The following AFF3 variants were observed in gnomAD, a reference collection of about 807,000 sequenced individuals.
AFF3 encodes ALF transcription elongation factor 3, also known as AF4/FMR2 family member 3.
In AFF3, 32 loss-of-function variants were observed where a neutral mutation model predicts 129.7. The observed-to-expected ratio is 0.25, with a 90% CI of 0.19 to 0.33. The LOEUF (loss-of-function observed/expected upper bound fraction) is 0.33, where lower values mean the gene tolerates loss of function less well. Among genes scored for constraint, AFF3 ranks in the 10% least tolerant of loss-of-function variants. The pLI, the probability that AFF3 is intolerant of heterozygous loss-of-function variation, is 1.00. For synonymous variants in AFF3, 644 were observed against 635.4 expected (o/e 1.01, Z -0.20); for missense variants, 1,373 against 1,592.0 (o/e 0.86, Z 2.34).
intron 4 of AFF3, among the ~76,000 whole-genome samples, chr2:100,016,159 CTGG>C (rs1183689650): frequency 6.7e-5 from 7 of 103,902 alleles, no homozygotes; most frequent in African/African-American, 1.2e-4. Flanking sequence ...GGTAGAGGTG[CTGG>C]TGGTGGTGGT....
intron 7 of AFF3, among the ~76,000 whole-genome samples, chr2:99,896,197 G>A (rs1693933473): frequency 6.6e-6 from 1 of 151,818 alleles, no homozygotes; most frequent in Non-Finnish European, 1.5e-5. Flanking sequence ...AATAACTAGG[G>A]AGGCCTAAGT....
In AFF3 at chr2:100,136,600, C is replaced by G. The variant is rs1020759570; in HGVS notation, c.-228+5884G>C. Among the ~76,000 whole-genome samples, 6 of 152,268 alleles carry G rather than the reference C, an allele frequency of 3.9e-5. 1 individual carries two copies. In the South Asian group the frequency reaches 1.2e-3, roughly 32 times the overall value. ...GCACTTTCACACTTTCCCTTCTCCCCCATTGATCTGTTTATCCATTTGGAG... is the reference window on the plus strand; with the variant it reads ...GCACTTTCACACTTTCCCTTCTCCCGCATTGATCTGTTTATCCATTTGGAG... On this transcript the variant is annotated intron_variant, in intron 1 of 24. Coordinates refer to ENST00000672756, the MANE Select transcript of AFF3 (RefSeq NM_001386135.1).
At chr2:100,036,180 C>T (rs1684893745) in intron 4 of AFF3, among the ~76,000 whole-genome samples, 1 of 147,928 alleles carries the variant, frequency 6.8e-6, no homozygotes, top group Non-Finnish European at 1.5e-5. Context: ...CAAAGTCTTT[C>T]CTGGCAACAG....
intron 8 of AFF3, among the ~76,000 whole-genome samples, chr2:99,802,811 A>G (rs1449378245): frequency 6.6e-6 from 1 of 151,346 alleles, no homozygotes; most frequent in Non-Finnish European, 1.5e-5. Flanking sequence ...GAATTTTGTA[A>G]CCTAAGACTT....
At chr2:99,653,764 A>G (rs1685487058) in intron 12 of AFF3, among the ~76,000 whole-genome samples, 1 of 152,146 alleles carries the variant, frequency 6.6e-6, no homozygotes, top group Admixed American at 6.5e-5. Flanking sequence ...CCTACGAGGC[A>G]CTAAGCAGTG....
At chr2:99,930,486 T>C (rs1244155545) in intron 7 of AFF3, among the ~76,000 whole-genome samples, 1 of 152,226 alleles carries the variant, frequency 6.6e-6, no homozygotes, top group Non-Finnish European at 1.5e-5. Context: ...AAGAAAATTC[T>C]ATAGTAGGCG....
At chr2:99,765,525 G>A (rs1682938408) in intron 8 of AFF3, among the ~76,000 whole-genome samples, 1 of 152,200 alleles carries the variant, frequency 6.6e-6, no homozygotes, top group South Asian at 2.1e-4. Context: ...TTACTTTTCC[G>A]ATTATTAGTG....
At chr2:100,140,182 C>T (rs1450061645) in intron 1 of AFF3, among the ~76,000 whole-genome samples, 5 of 152,184 alleles carry the variant, frequency 3.3e-5, no homozygotes, top group Non-Finnish European at 5.9e-5. Context: ...TAGGACAGGA[C>T]ATTACACCCA....
At chr2:100,000,068 G>T (rs1050437031) in intron 7 of AFF3, among the ~76,000 whole-genome samples, 1 of 152,202 alleles carries the variant, frequency 6.6e-6, no homozygotes, top group South Asian at 2.1e-4. Context: ...TACTGTAAAT[G>T]TATTGCTAAT....
intron 7 of AFF3, among the ~76,000 whole-genome samples, chr2:99,978,693 T>C (rs1487148793): frequency 6.6e-6 from 1 of 152,076 alleles, no homozygotes; most frequent in East Asian, 1.9e-4. Flanking sequence ...AGAGGGGCCT[T>C]TGGAAGGTGA....
At chr2:100,084,220 T>C (rs115886907) in intron 4 of AFF3, among the ~76,000 whole-genome samples, 3,896 of 152,338 alleles carry the variant, frequency 0.026, 159 homozygotes, top group African/African-American at 0.088. Flanking sequence ...ACATGCTATG[T>C]GTCAGGTCAT....
intron 4 of AFF3, among the ~76,000 whole-genome samples, chr2:100,084,064 C>T (rs895732073): frequency 7.9e-5 from 12 of 152,212 alleles, no homozygotes; most frequent in Non-Finnish European, 1.8e-4. Flanking sequence ...TATTCTCTCT[C>T]ACTGATTAAA....
chr2:99,765,008 AGCCAAATCTT>A (rs1192901047), intron 8 of AFF3, among the ~76,000 whole-genome samples: 1 of 152,192 alleles, frequency 6.6e-6, no homozygotes, highest in Non-Finnish European at 1.5e-5. Context: ...GTCATTTCTG[AGCCAAATCTT>A]GTCAAATCGT....
rs1432324419 is a variant in AFF3, at chr2:99,557,938, G to A, written c.3285+937C>T. 2.0e-5 allele frequency among the ~76,000 whole-genome samples: 3 copies of A among 152,168 alleles called. No homozygotes were observed. In the East Asian group the frequency reaches 5.8e-4, roughly 29 times the overall value. ...AGTTTCTATAGATAAACAGAGAAGA[G>A]GACCAGAAATCTCAAATTAATTATT... On this transcript the variant is annotated intron_variant, in intron 22 of 24. Transcript: ENST00000672756.
chr2:99,748,619 T>G (rs183957898), intron 9 of AFF3, among the ~76,000 whole-genome samples: 2 of 152,336 alleles, frequency 1.3e-5, no homozygotes, highest in East Asian at 3.9e-4. Flanking sequence ...CCTTCGAGGC[T>G]CTGCACAGGT....
At chr2:99,780,464 C>T (rs956362334) in intron 8 of AFF3, among the ~76,000 whole-genome samples, 1 of 152,164 alleles carries the variant, frequency 6.6e-6, no homozygotes, top group African/African-American at 2.4e-5. Flanking sequence ...AATCACTTCC[C>T]TTTTCCAGAT....
intron 7 of AFF3, among the ~76,000 whole-genome samples, chr2:99,902,852 T>G (rs141541638): frequency 6.6e-6 from 1 of 152,288 alleles, no homozygotes; most frequent in East Asian, 1.9e-4. Flanking sequence ...AGGCCTCCCA[T>G]GCATAATGAT....
chr2:99,778,660 A>G (rs1575954904), intron 8 of AFF3, among the ~76,000 whole-genome samples: 2 of 152,290 alleles, frequency 1.3e-5, no homozygotes, highest in East Asian at 1.9e-4. Flanking sequence ...ATTTCTTTCA[A>G]CAATGTTTTA....
At chr2:100,017,637 C>T (rs1470707975) in intron 4 of AFF3, among the ~76,000 whole-genome samples, 1 of 152,206 alleles carries the variant, frequency 6.6e-6, no homozygotes, top group Non-Finnish European at 1.5e-5. Context: ...TCCTCCCAGG[C>T]CCATCTGGCC....
Sources: allele counts gnomAD v4.1 joint callset (sites outside exome capture counted in the v4.1 genomes callset), GRCh38; gene constraint gnomAD v4.1.1; transcripts MANE v1.5; gene names NCBI Gene and HGNC (gene_info 2026-07-23, HGNC 2026-07-21).